MSI2: variants seen among roughly 807,000 people sequenced by gnomAD.
The protein encoded by MSI2 is musashi RNA binding protein 2, also known as RNA-binding protein Musashi homolog 2.
In MSI2, 17 loss-of-function variants were observed where a neutral mutation model predicts 45.6. The ratio of observed to expected loss-of-function variants is 0.37; its 90% CI spans 0.26 to 0.56. The LOEUF is 0.56. Among genes scored for constraint, MSI2 ranks in the 20% least tolerant of loss-of-function variants. The pLI is 0.77. For missense variants in MSI2, 293 were observed against 444.2 expected (o/e 0.66, Z 3.06); for synonymous variants, 156 against 158.2 (o/e 0.99, Z 0.11).
chr17:57,676,831 G>T (rs1913269579), intron 12 of MSI2, among the ~76,000 whole-genome samples, 156 bp from the exon 13 acceptor site: 1 of 152,190 alleles, frequency 6.6e-6, no homozygotes, highest in African/African-American at 2.4e-5. Context: ...AGCTGAGGAG[G>T]ATGTCATCCT....
intron 5 of MSI2, among the ~76,000 whole-genome samples, chr17:57,289,881 C>T (rs1031768456): frequency 6.6e-6 from 1 of 152,220 alleles, no homozygotes; most frequent in Admixed American, 6.5e-5. Context: ...GTGTTGCCGG[C>T]AAGTTGCCAT....
Position 57,385,115 on chromosome 17 carries a change from C to T in MSI2, c.313-16264C>T, listed in dbSNP as rs75673379. Among the ~76,000 whole-genome samples, 814 of 152,286 alleles carry T rather than the reference C, an allele frequency of 5.3e-3. 5 individuals are homozygous for T. The highest frequency in any genetic ancestry group is 9.0e-3 in the Admixed American group (138 of 15,304). On this transcript the variant is annotated intron_variant, in intron 5 of 13. Coordinates refer to ENST00000284073, the MANE Select transcript of MSI2 (RefSeq NM_138962.4). ...TCATCTTGAACTATTATGATAAGCT[C>T]CTAACCGTTCTTACAGGCTCTATTT...
chr17:57,302,775 GA>G (rs1911520026), intron 5 of MSI2, among the ~76,000 whole-genome samples: 1 of 152,172 alleles, frequency 6.6e-6, no homozygotes, highest in South Asian at 2.1e-4. Flanking sequence ...ATCCTCTTTT[GA>G]GGGGAGCATT....
intron 5 of MSI2, among the ~76,000 whole-genome samples, chr17:57,359,446 G>T (rs1324941183): frequency 1.3e-5 from 2 of 152,148 alleles, no homozygotes; most frequent in Non-Finnish European, 2.9e-5. Context: ...CTGTAATTCT[G>T]GGGGGCGGAC....
chr17:57,267,792 T>A (rs1350692258), intron 5 of MSI2: 1 of 152,120 alleles, frequency 6.6e-6, no homozygotes, highest in Non-Finnish European at 1.5e-5. Context: ...AGTCTCGACG[T>A]CTTAGCTTGG....
chr17:57,327,104 A>G (rs543521537), intron 5 of MSI2, among the ~76,000 whole-genome samples: 2 of 152,266 alleles, frequency 1.3e-5, no homozygotes, highest in East Asian at 3.9e-4. Flanking sequence ...ATCTTGTCCA[A>G]CATCTAAAAA....
At chr17:57,420,681 C>G (rs1296358371) in intron 6 of MSI2, among the ~76,000 whole-genome samples, 1 of 152,208 alleles carries the variant, frequency 6.6e-6, no homozygotes, top group African/African-American at 2.4e-5. Flanking sequence ...CTGGCAAGCT[C>G]CAACCACCCT....
At chr17:57,566,083 C>T (rs921827284) in intron 7 of MSI2, 1 of 152,214 alleles carries the variant, frequency 6.6e-6, no homozygotes, top group African/African-American at 2.4e-5. Flanking sequence ...AGATAGGGTT[C>T]GAGGTAGAGC....
chr17:57,603,942 A>C (rs1342939246), intron 8 of MSI2, among the ~76,000 whole-genome samples: 2 of 152,246 alleles, frequency 1.3e-5, no homozygotes, highest in Non-Finnish European at 2.9e-5. Context: ...CAGAGTAGAA[A>C]GGGGGTGCCC....
intron 5 of MSI2, among the ~76,000 whole-genome samples, chr17:57,393,576 A>G (rs1386497743): frequency 6.6e-6 from 1 of 152,230 alleles, no homozygotes; most frequent in Non-Finnish European, 1.5e-5. Context: ...TGCCATGAAC[A>G]CTTGTGTAAA....
Position 57,652,927 on chromosome 17 carries a change from T to C in MSI2, c.790+766T>C, listed in dbSNP as rs1392462377. The stretch of plus-strand genomic sequence containing the variant: ...TTGTCCCTCTCCCCAGAATGCTTTC[T>C]GCCTTCCCAGGCAAGCAGGGCTTCT... On this transcript the variant is annotated intron_variant, in intron 11 of 13. Transcript: ENST00000284073. This position sits in a 1 kb window ranked among gnomAD's most constrained non-coding sequence, Gnocchi z 4.1. Among the ~76,000 whole-genome samples the C allele has an allele frequency of 1.3e-5, 2 of 152,176 alleles. No individual in the cohort carries two copies. Among genetic ancestry groups the C allele is most frequent in the African/African-American group, 4.8e-5 (2 of 41,454 alleles).
intron 5 of MSI2, among the ~76,000 whole-genome samples, chr17:57,370,151 G>A (rs1598179375): frequency 6.6e-6 from 1 of 152,246 alleles, no homozygotes; most frequent in Non-Finnish European, 1.5e-5. Context: ...ATTGGTTTGA[G>A]TAGCCGTGAA....
At chr17:57,291,303 C>G (rs148698376) in intron 5 of MSI2, among the ~76,000 whole-genome samples, 19 of 152,296 alleles carry the variant, frequency 1.2e-4, no homozygotes, top group Admixed American at 4.6e-4. Flanking sequence ...CATGTGTGAT[C>G]AGCATCCCGG....
chr17:57,273,317 A>G (rs1468175890), intron 5 of MSI2, among the ~76,000 whole-genome samples: 1 of 152,234 alleles, frequency 6.6e-6, no homozygotes, highest in East Asian at 1.9e-4. Flanking sequence ...TTCCTGTACT[A>G]ATAGGGGTAG....
At chr17:57,583,529 G>A (rs1275155479) in intron 7 of MSI2, among the ~76,000 whole-genome samples, 1 of 102,994 alleles carries the variant, frequency 9.7e-6, no homozygotes, top group Non-Finnish European at 1.8e-5. Flanking sequence ...TCACTCTGTT[G>A]TCCAGGCCGC....
the MSI2 span, among the ~76,000 whole-genome samples, chr17:57,700,710 C>G: frequency 6.6e-6 from 1 of 152,272 alleles, no homozygotes; most frequent in South Asian, 2.1e-4. Flanking sequence ...CGAGACCAGC[C>G]TGGCCAACAT....
At chr17:57,646,462 C>A (rs1478893078) in intron 10 of MSI2, among the ~76,000 whole-genome samples, 3 of 152,216 alleles carry the variant, frequency 2.0e-5, no homozygotes, top group East Asian at 1.9e-4. Context: ...TAGCACCAAC[C>A]TCAGAGGACT....
intron 11 of MSI2, among the ~76,000 whole-genome samples, chr17:57,665,670 C>A (rs992257516): frequency 6.6e-6 from 1 of 152,080 alleles, no homozygotes; most frequent in East Asian, 1.9e-4. Flanking sequence ...CAGTAAATAC[C>A]GTTCAGCCCT....
In MSI2 at chr17:57,502,634, T is replaced by G. The variant is rs62058064; in HGVS notation, c.406-27042T>G. 5.3e-4 allele frequency among the ~76,000 whole-genome samples: 69 copies of G among 129,946 alleles called. 2 individuals carry two copies. Among genetic ancestry groups the G allele is most frequent in the African/African-American group, 8.1e-4 (29 of 35,836 alleles). 85.2% of individuals were successfully genotyped at this position (129,946 alleles called of 152,430 possible). The stretch of plus-strand genomic sequence containing the variant: ...ATATATATATATATATATATATATA[T>G]ATAGTCATCATTCTGTCATGCAGGA... On this transcript the variant is annotated intron_variant, in intron 6 of 13. Transcript: ENST00000284073.
Sources: gnomAD v4.1 joint callset for allele counts (sites outside exome capture counted in the v4.1 genomes callset) on GRCh38, gnomAD v4.1.1 for gene constraint, Gnocchi (gnomAD v3.1) non-coding constraint, MANE v1.5 for transcripts, NCBI Gene and HGNC (gene_info 2026-07-23, HGNC 2026-07-21) for gene names.